PTPRK: variants seen among roughly 807,000 people sequenced by gnomAD.
PTPRK encodes the protein protein tyrosine phosphatase receptor type K.
Under a neutral mutation model 178.0 loss-of-function variants are expected in PTPRK, and 75 were observed. The observed-to-expected ratio is 0.42, with a 90% CI of 0.35 to 0.51. The LOEUF is 0.51. Ranked by LOEUF, PTPRK falls within the 20% of genes least tolerant of loss-of-function variation. The probability of loss-of-function intolerance (pLI) is 0.02; values close to 1 mark genes in which losing one functional copy is unlikely to be tolerated. For synonymous variants in PTPRK, 637 were observed against 620.6 expected (o/e 1.03, Z -0.39); for missense variants, 1,441 against 1,797.8 (o/e 0.80, Z 3.59).
intron 13 of PTPRK, among the ~76,000 whole-genome samples, chr6:128,034,470 C>T (rs1775872701): frequency 1.3e-5 from 2 of 152,190 alleles, no homozygotes; most frequent in South Asian, 4.1e-4. Context: ...TATTCATTCA[C>T]ACATTTATAT....
chr6:128,445,203 T>C (rs1173622937), intron 1 of PTPRK, among the ~76,000 whole-genome samples: 2 of 118,502 alleles, frequency 1.7e-5, no homozygotes, highest in Non-Finnish European at 3.5e-5. Flanking sequence ...ATTTTATTTA[T>C]ATATATATAT....
chr6:128,090,380 A>G (rs1402335288), intron 7 of PTPRK, among the ~76,000 whole-genome samples: 2 of 152,080 alleles, frequency 1.3e-5, no homozygotes, highest in Non-Finnish European at 2.9e-5. Flanking sequence ...AACATATTCT[A>G]CTCTGTCATT....
At chr6:128,068,952 G>A (rs891979109) in intron 11 of PTPRK, among the ~76,000 whole-genome samples, 3 of 151,338 alleles carry the variant, frequency 2.0e-5, no homozygotes, top group East Asian at 1.9e-4. Flanking sequence ...GGGAGGAGAG[G>A]GGGAGGGAGA....
chr6:128,512,611 T>C (rs1367786376), intron 1 of PTPRK, among the ~76,000 whole-genome samples: 1 of 152,204 alleles, frequency 6.6e-6, no homozygotes, highest in Non-Finnish European at 1.5e-5. Context: ...CAATTAGGTC[T>C]TCTGGGAAAA....
intron 6 of PTPRK, among the ~76,000 whole-genome samples, chr6:128,185,340 C>G (rs1256006515): frequency 6.6e-6 from 1 of 152,116 alleles, no homozygotes; most frequent in Non-Finnish European, 1.5e-5. Flanking sequence ...ACTCAAATAT[C>G]AAAGGCACAC....
intron 13 of PTPRK, among the ~76,000 whole-genome samples, chr6:128,012,219 T>C (rs949193960): frequency 6.6e-6 from 1 of 151,304 alleles, no homozygotes; most frequent in Non-Finnish European, 1.5e-5. Context: ...TTTTACTAAA[T>C]ATGTCTGTAT....
intron 2 of PTPRK, among the ~76,000 whole-genome samples, chr6:128,393,155 G>A (rs1839843031): frequency 6.8e-6 from 1 of 146,380 alleles, no homozygotes; most frequent in African/African-American, 2.5e-5. Flanking sequence ...GCAGTGGCCT[G>A]ATCTCGGCTC....
At chr6:128,397,750 T>G in intron 1 of PTPRK, 62 bp from the exon 2 acceptor site, 1 of 1,521,912 alleles carries the variant, frequency 6.6e-7, no homozygotes, top group Non-Finnish European at 9.1e-7. Flanking sequence ...ACGAAAGTTC[T>G]GGAGAAGGAA....
chr6:128,015,043 T>A (rs1408936587), intron 13 of PTPRK, among the ~76,000 whole-genome samples: 1 of 151,708 alleles, frequency 6.6e-6, no homozygotes. Context: ...CTATGAAGAC[T>A]TTAAACAACT....
At chr6:128,003,168 GA>G in intron 15 of PTPRK, 2 of 1,583,384 alleles carry the variant, frequency 1.3e-6, no homozygotes, top group Non-Finnish European at 1.7e-6. Flanking sequence ...TCCATGCAAT[GA>G]AAAGATGATA....
intron 13 of PTPRK, among the ~76,000 whole-genome samples, chr6:128,036,871 A>G (rs760570544): frequency 6.6e-6 from 1 of 151,932 alleles, no homozygotes; most frequent in Non-Finnish European, 1.5e-5. Flanking sequence ...AGCTGGGATT[A>G]CTGGCATGCA....
chr6:128,082,221 C>T (rs1784950802), intron 10 of PTPRK, among the ~76,000 whole-genome samples: 1 of 151,704 alleles, frequency 6.6e-6, no homozygotes, highest in Admixed American at 6.6e-5. Context: ...TTTTTAAGAC[C>T]ACTGTCAATC....
At chr6:128,426,770 C>T (rs933599136) in intron 1 of PTPRK, among the ~76,000 whole-genome samples, 3 of 152,280 alleles carry the variant, frequency 2.0e-5, no homozygotes, top group Non-Finnish European at 2.9e-5. Context: ...TTTGTCTCTA[C>T]ATAAGGTCGA....
chr6:127,987,532 T>C (rs1776119395), intron 21 of PTPRK, among the ~76,000 whole-genome samples: 1 of 152,120 alleles, frequency 6.6e-6, no homozygotes, highest in South Asian at 2.1e-4. Flanking sequence ...TTATCACTAA[T>C]ATAAAGACAA....
chr6:128,270,808 TC>T (rs1397756073), intron 3 of PTPRK, among the ~76,000 whole-genome samples: 1 of 152,150 alleles, frequency 6.6e-6, no homozygotes, highest in Non-Finnish European at 1.5e-5. Context: ...ATCTCAGGAA[TC>T]ATTCTGTTTA....
At chr6:127,978,926 AGC>A (rs1192664092) in intron 25 of PTPRK, among the ~76,000 whole-genome samples, 1 of 152,238 alleles carries the variant, frequency 6.6e-6, no homozygotes, top group Non-Finnish European at 1.5e-5. Context: ...AAATCAAACC[AGC>A]TTTACTTCTC....
intron 3 of PTPRK, among the ~76,000 whole-genome samples, chr6:128,249,473 T>C (rs1169298209): frequency 1.3e-5 from 2 of 152,076 alleles, no homozygotes; most frequent in African/African-American, 2.4e-5. Flanking sequence ...TAAAGACAGA[T>C]GGTTTGATGG....
intron 13 of PTPRK, among the ~76,000 whole-genome samples, chr6:128,034,940 A>G (rs1381542484): frequency 1.3e-5 from 2 of 152,230 alleles, no homozygotes; most frequent in Admixed American, 1.3e-4. Context: ...ACCAAGGAGA[A>G]AGATAAAAGT....
chr6:128,249,073 G>T (rs1816004750), intron 3 of PTPRK, among the ~76,000 whole-genome samples: 1 of 152,024 alleles, frequency 6.6e-6, no homozygotes, highest in African/African-American at 2.4e-5. Flanking sequence ...AGCCAAAGAA[G>T]TTTCCATTAT....
Sources: allele counts gnomAD v4.1 joint callset (sites outside exome capture counted in the v4.1 genomes callset), GRCh38; gene constraint gnomAD v4.1.1; transcripts MANE v1.5; gene names NCBI Gene and HGNC (gene_info 2026-07-23, HGNC 2026-07-21).